Variants in PTPRK observed in about 807,000 individuals in gnomAD.
PTPRK encodes the protein protein tyrosine phosphatase receptor type K, also known as receptor-type tyrosine-protein phosphatase kappa.
Under a neutral mutation model 178.0 loss-of-function variants are expected in PTPRK, and 75 were observed. The observed-to-expected ratio is 0.42, with a 90% CI of 0.35 to 0.51. PTPRK has a LOEUF of 0.51. Ranked by LOEUF, PTPRK falls within the 20% of genes least tolerant of loss-of-function variation. PTPRK has a pLI of 0.02. For synonymous variants in PTPRK, 637 were observed against 620.6 expected, an observed-to-expected ratio of 1.03 and a Z score of -0.39; for missense variants, 1,441 against 1,797.8, an observed-to-expected ratio of 0.80 and a Z score of 3.59.
chr6:128,201,069 C>T (rs891869928), intron 6 of PTPRK, among the ~76,000 whole-genome samples: 1 of 152,052 alleles, frequency 6.6e-6, no homozygotes, highest in Non-Finnish European at 1.5e-5. Flanking sequence ...TGCTTATGGA[C>T]TTTCTTTGAT....
At chr6:128,511,466 A>G (rs1857177534) in intron 1 of PTPRK, among the ~76,000 whole-genome samples, 1 of 152,230 alleles carries the variant, frequency 6.6e-6, no homozygotes, top group African/African-American at 2.4e-5. Flanking sequence ...CCAGCAGATA[A>G]TTCACATTTC....
intron 3 of PTPRK, among the ~76,000 whole-genome samples, chr6:128,272,307 T>A (rs1819960701): frequency 6.6e-6 from 1 of 152,104 alleles, no homozygotes; most frequent in Non-Finnish European, 1.5e-5. Context: ...GGCAAGGACC[T>A]CATGACTAAA....
intron 1 of PTPRK, among the ~76,000 whole-genome samples, chr6:128,514,761 T>A (rs965795946): frequency 6.6e-6 from 1 of 152,170 alleles, no homozygotes; most frequent in African/African-American, 2.4e-5. Context: ...AATGGCAATG[T>A]TCCACGAGAG....
chr6:128,238,063 T>C lies in PTPRK; in HGVS notation c.693+1972A>G, dbSNP rs535766519. On this transcript the variant is annotated intron_variant, in intron 5 of 29. Transcript: ENST00000368226. ...AGTTAAGGTAATTGATGTGGTGTTA[T>C]TGAAAAAGGTAAAATAGCTTTTGAA... is the stretch of plus-strand genomic sequence containing the variant. The C allele has an allele frequency of 1.8e-5, 8 of 446,924 alleles. No homozygotes were observed. The East Asian group carries it at 3.5e-4, about 20-fold the overall frequency. The allele number at this position is 446,924 out of a possible 1,614,324, so 27.7% of individuals were successfully genotyped here. A position where few individuals can be genotyped will look rare whatever the true frequency, so the allele number is the denominator to read the frequency against.
intron 11 of PTPRK, among the ~76,000 whole-genome samples, chr6:128,068,348 C>A (rs1036456755): frequency 6.6e-6 from 1 of 152,154 alleles, no homozygotes. Flanking sequence ...ATCTAAAATA[C>A]AAGTGACATG....
intron 13 of PTPRK, among the ~76,000 whole-genome samples, chr6:128,036,267 T>C (rs1776191269): frequency 6.6e-6 from 1 of 152,154 alleles, no homozygotes; most frequent in African/African-American, 2.4e-5. Flanking sequence ...GTAGCTATAT[T>C]GTCTTCATGG....
At chr6:128,111,269 G>A (rs1046434802) in intron 7 of PTPRK, among the ~76,000 whole-genome samples, 25 of 152,096 alleles carry the variant, frequency 1.6e-4, no homozygotes, top group Admixed American at 5.9e-4. Context: ...CAACTTAGAC[G>A]CTGACAGTTT....
chr6:127,981,392 T>G (rs753828466), intron 24 of PTPRK, 103 bp from the exon 25 acceptor site: 21 of 977,830 alleles, frequency 2.1e-5, no homozygotes, highest in Non-Finnish European at 3.0e-5. Flanking sequence ...AGTGAAGGAT[T>G]TGTGCGAGGC....
At chr6:128,427,316 T>C (rs1406961699) in intron 1 of PTPRK, among the ~76,000 whole-genome samples, 1 of 152,138 alleles carries the variant, frequency 6.6e-6, no homozygotes, top group Non-Finnish European at 1.5e-5. Flanking sequence ...AGTTCCAAGA[T>C]TTCAATCCAG....
intron 7 of PTPRK, among the ~76,000 whole-genome samples, chr6:128,175,649 G>A (rs2114663797): frequency 6.6e-6 from 1 of 151,826 alleles, no homozygotes; most frequent in African/African-American, 2.4e-5. Flanking sequence ...CCCAGGAACA[G>A]AGAAAAATAA....
At chr6:128,329,046 A>G (rs1045468856) in intron 2 of PTPRK, among the ~76,000 whole-genome samples, 1 of 152,168 alleles carries the variant, frequency 6.6e-6, no homozygotes, top group Non-Finnish European at 1.5e-5. Context: ...GTTATTGATA[A>G]GCAATTTTGA....
At chr6:128,099,195 TA>T (rs1281045792) in intron 7 of PTPRK, among the ~76,000 whole-genome samples, 3 of 143,582 alleles carry the variant, frequency 2.1e-5, no homozygotes, top group South Asian at 2.1e-4. Context: ...TATATATATA[TA>T]TTTTTTCTTT....
At chr6:128,298,727 A>T (rs1308464274) in intron 3 of PTPRK, among the ~76,000 whole-genome samples, 1 of 152,174 alleles carries the variant, frequency 6.6e-6, no homozygotes, top group Non-Finnish European at 1.5e-5. Flanking sequence ...TCTCAAAATA[A>T]TAAGAGCTAT....
At chr6:128,168,137 GTTC>G (rs1488063037) in intron 7 of PTPRK, among the ~76,000 whole-genome samples, 1 of 152,076 alleles carries the variant, frequency 6.6e-6, no homozygotes, top group African/African-American at 2.4e-5. Flanking sequence ...CAGAAAATGT[GTTC>G]TTCTCACAAA....
intron 2 of PTPRK, among the ~76,000 whole-genome samples, chr6:128,361,785 T>C (rs967756840): frequency 6.6e-6 from 1 of 152,186 alleles, no homozygotes; most frequent in Non-Finnish European, 1.5e-5. Context: ...AGTCTATCAT[T>C]GACCAAAACA....
In PTPRK at chr6:127,985,756, G is replaced by T; in HGVS notation, c.3216C>A (p.Asn1072Lys). 1.2e-6 allele frequency: 2 copies of T among 1,613,896 alleles called. No individual in the cohort carries two copies. Among genetic ancestry groups the T allele is most frequent in the Non-Finnish European group, 1.7e-6 (2 of 1,179,872 alleles). Residue 1072 changes from asparagine (N) to lysine (K), a missense_variant, in exon 22 of 30, where the codon AAC becomes AAA. Transcript: ENST00000368226. ...CAACGATGGGGCCAGCACTGGGAGGGTTTGATAACTTGACTCGCCGGATAA... is the reference window on the plus strand; with the variant it reads ...CAACGATGGGGCCAGCACTGGGAGGTTTTGATAACTTGACTCGCCGGATAA... ...LSFIRRVKLS[N>K]PPSAGPIVVH...
chr6:128,262,857 CAAAAAAAA>C (rs747334195), intron 3 of PTPRK, among the ~76,000 whole-genome samples: 3 of 75,108 alleles, frequency 4.0e-5, no homozygotes, highest in African/African-American at 1.5e-4. Context: ...AACCAATAAC[CAAAAAAAA>C]AAAAAAAAAA....
intron 13 of PTPRK, among the ~76,000 whole-genome samples, chr6:128,031,447 G>T (rs1420672762): frequency 6.6e-6 from 1 of 152,162 alleles, no homozygotes; most frequent in Non-Finnish European, 1.5e-5. Context: ...ATGCTGCAGA[G>T]TAATTTACAT....
At chr6:128,303,708 G>T (rs1825971925) in intron 3 of PTPRK, among the ~76,000 whole-genome samples, 1 of 152,192 alleles carries the variant, frequency 6.6e-6, no homozygotes, top group Admixed American at 6.5e-5. Flanking sequence ...GCTGTGGAAT[G>T]AAGATTCGTT....
Sources: allele counts gnomAD v4.1 joint callset (sites outside exome capture counted in the v4.1 genomes callset), GRCh38; gene constraint gnomAD v4.1.1; transcripts MANE v1.5; gene names NCBI Gene and HGNC (gene_info 2026-07-23, HGNC 2026-07-21).